The following MSH4 variants were observed in gnomAD, a reference collection of about 807,000 sequenced individuals.
MSH4 encodes the protein mutS homolog 4, also known as mutS protein homolog 4.
Under a neutral mutation model 113.7 loss-of-function variants are expected in MSH4, and 106 were observed. The observed-to-expected ratio is 0.93, with a 90% CI of 0.80 to 1.10. The LOEUF (loss-of-function observed/expected upper bound fraction) is 1.10, where lower values mean the gene tolerates loss of function less well. Among genes scored for constraint, MSH4 ranks in the 50% least tolerant of loss-of-function variants. MSH4 has a pLI of 0.00. For missense variants in MSH4, 1,061 were observed against 1,093.7 expected (o/e 0.97, Z 0.42); for synonymous variants, 368 against 380.2 (o/e 0.97, Z 0.37).
At chr1:75,892,997 G>A (rs913878025) in intron 17 of MSH4, among the ~76,000 whole-genome samples, 1 of 152,140 alleles carries the variant, frequency 6.6e-6, no homozygotes, top group Non-Finnish European at 1.5e-5. Context: ...GGGTTAGCAG[G>A]AACTGTGTTT....
rs1248267753 is a variant in MSH4, at chr1:75,876,974, T to C, written c.1344T>C (p.Ala448=). Residue 448 remains alanine (A), a synonymous_variant, in exon 10 of 20, where the codon GCT becomes GCC. Transcript: ENST00000263187. The stretch of plus-strand genomic sequence containing the variant: ...ACTGTAACACACCTTTATTAAGAGC[T>C]TACTATGGTTCCTTGGAAGACAAGA... ...MKNCNTPLLR[A]YYGSLEDKRF... The C allele has an allele frequency of 1.3e-6, 2 of 1,565,500 alleles. No homozygotes were observed. The highest frequency in any genetic ancestry group is 1.7e-6 in the Non-Finnish European group (2 of 1,156,730).
intron 17 of MSH4, among the ~76,000 whole-genome samples, chr1:75,891,654 A>T (rs1405161487): frequency 6.6e-6 from 1 of 151,932 alleles, no homozygotes; most frequent in Admixed American, 6.6e-5. Flanking sequence ...GGGTTTCACC[A>T]TGTTACCCAG....
chr1:75,886,691 T>C (rs1557525229), intron 15 of MSH4, among the ~76,000 whole-genome samples: 1 of 132,062 alleles, frequency 7.6e-6, no homozygotes, highest in Non-Finnish European at 1.6e-5. Flanking sequence ...CATTATAATG[T>C]ATAATATATA....
Position 75,816,440 on chromosome 1 carries a change from G to C in MSH4, c.883G>C (p.Ala295Pro). 2 of 1,610,176 alleles carry C rather than the reference G, an allele frequency of 1.2e-6. No homozygotes were observed. Among genetic ancestry groups the C allele is most frequent in the Non-Finnish European group, 1.7e-6 (2 of 1,177,580 alleles). ...TGAATTTATTCAAAATTCAGTTTAT[G>C]CACCAAAATCACTGAAGATTTGTTT... is the stretch of plus-strand genomic sequence containing the variant. ...YVEFIQNSVY[A>P]PKSLKICFQG... The change falls in exon 6 of 20, where the codon GCA (alanine) becomes CCA (proline). Residue 295 changes from alanine (A) to proline (P), a missense_variant. Coordinates refer to ENST00000263187, the MANE Select transcript of MSH4 (RefSeq NM_002440.4).
chr1:75,908,296 C>T (rs1244905736), intron 19 of MSH4, among the ~76,000 whole-genome samples: 1 of 151,666 alleles, frequency 6.6e-6, no homozygotes, highest in African/African-American at 2.4e-5. Context: ...CAGGTGTGCA[C>T]CACCATGCCT....
At chr1:75,885,886 T>A (rs1398147280) in intron 15 of MSH4, among the ~76,000 whole-genome samples, 3 of 128,276 alleles carry the variant, frequency 2.3e-5, no homozygotes, top group African/African-American at 8.7e-5. Context: ...ATAGTATATA[T>A]TATATATGAT....
chr1:75,809,103 G>A (rs1650131978), intron 3 of MSH4, among the ~76,000 whole-genome samples: 1 of 152,008 alleles, frequency 6.6e-6, no homozygotes, highest in African/African-American at 2.4e-5. Context: ...GTCTTGCTCT[G>A]TTACCCAAGC....
intron 1 of MSH4, 68 bp downstream of exon 1, chr1:75,797,297 C>A: frequency 1.3e-6 from 2 of 1,523,428 alleles, no homozygotes; most frequent in Non-Finnish European, 1.8e-6. Flanking sequence ...GGCTCGGGGG[C>A]ACGTGGGTGG....
chr1:75,799,847 T>C (rs1220690890), intron 1 of MSH4, among the ~76,000 whole-genome samples: 1 of 152,146 alleles, frequency 6.6e-6, no homozygotes, highest in African/African-American at 2.4e-5. Context: ...AAGCAAATTT[T>C]AGAGGGAAGA....
At chr1:75,879,207 T>C in intron 12 of MSH4, 79 bp downstream of exon 12, 1 of 1,361,728 alleles carries the variant, frequency 7.3e-7, no homozygotes, top group Non-Finnish European at 1.0e-6. Context: ...ACTTCTTGAG[T>C]TTTGCAAGCC....
At chr1:75,898,644 G>A (rs1382670444) in intron 18 of MSH4, among the ~76,000 whole-genome samples, 3 of 151,500 alleles carry the variant, frequency 2.0e-5, no homozygotes, top group Admixed American at 6.6e-5. Context: ...TCAGCCTCCC[G>A]AGTAGCTGGG....
chr1:75,870,964 T>G (rs187115894), intron 9 of MSH4, among the ~76,000 whole-genome samples: 405 of 152,260 alleles, frequency 2.7e-3, no homozygotes, highest in Admixed American at 4.6e-3. Context: ...TAGGAAAAAT[T>G]TATAACAAAT....
intron 8 of MSH4, among the ~76,000 whole-genome samples, chr1:75,857,434 GT>G (rs1170501558): frequency 8.5e-5 from 13 of 152,184 alleles, no homozygotes; most frequent in Middle Eastern, 3.2e-3. Flanking sequence ...TAACATTTAA[GT>G]ATTTGATCCA....
chr1:75,807,821 G>A (rs1380347601), intron 3 of MSH4, among the ~76,000 whole-genome samples: 1 of 152,166 alleles, frequency 6.6e-6, no homozygotes, highest in African/African-American at 2.4e-5. Flanking sequence ...GGGTGAGTCT[G>A]AGTGGACTAG....
chr1:75,812,218 G>A (rs1650205488), intron 4 of MSH4, among the ~76,000 whole-genome samples: 1 of 152,128 alleles, frequency 6.6e-6, no homozygotes, highest in African/African-American at 2.4e-5. Context: ...TACTGTCAAA[G>A]GTAAACAAAG....
chr1:75,834,764 A>T (rs1650791427), intron 7 of MSH4, among the ~76,000 whole-genome samples: 1 of 152,134 alleles, frequency 6.6e-6, no homozygotes, highest in South Asian at 2.1e-4. Context: ...GGAACCACAC[A>T]CCAGGGTCTG....
intron 9 of MSH4, among the ~76,000 whole-genome samples, chr1:75,872,374 C>A (rs544906004): frequency 6.6e-6 from 1 of 152,236 alleles, no homozygotes; most frequent in Admixed American, 6.5e-5. Flanking sequence ...GAAAGGCCTG[C>A]AGTAACAGTG....
intron 12 of MSH4, 121 bp downstream of exon 12, chr1:75,879,249 TCCTA>T: frequency 1.2e-6 from 1 of 804,950 alleles, no homozygotes; most frequent in Middle Eastern, 3.6e-4. Context: ...CTTCTCCTAT[TCCTA>T]CCCACCCACC....
chr1:75,852,218 A>T (rs1156512461), intron 8 of MSH4, among the ~76,000 whole-genome samples: 20 of 152,160 alleles, frequency 1.3e-4, no homozygotes, highest in Admixed American at 1.2e-3. Flanking sequence ...TCAATACTTT[A>T]TTCTTTGTAT....
Sources: allele counts gnomAD v4.1 joint callset (sites outside exome capture counted in the v4.1 genomes callset), GRCh38; gene constraint gnomAD v4.1.1; transcripts MANE v1.5; gene names NCBI Gene and HGNC (gene_info 2026-07-23, HGNC 2026-07-21).